The following DFFB variants were observed in gnomAD, a reference collection of about 807,000 sequenced individuals.
The protein encoded by DFFB is DNA fragmentation factor subunit beta, also known as DNA fragmentation factor 40 kDa subunit.
DFFB carries 29 observed loss-of-function variants against 32.7 expected under a neutral mutation model. That is an observed-to-expected ratio of 0.89 (90% confidence interval 0.66 to 1.21). DFFB has a LOEUF of 1.21. DFFB is among the 50% of genes most tolerant of loss of function. The pLI is 0.00. For missense variants in DFFB, 398 were observed against 440.6 expected, an observed-to-expected ratio of 0.90 and a Z score of 0.87; for synonymous variants, 170 against 177.1, an observed-to-expected ratio of 0.96 and a Z score of 0.32.
chr1:3,872,620 T>C (rs1645142281), intron 6 of DFFB, 48 bp downstream of exon 6: 11 of 1,518,312 alleles, frequency 7.2e-6, no homozygotes, highest in Non-Finnish European at 8.2e-6. Flanking sequence ...TGCAGGGCCC[T>C]GTCCCTGCCG....
At chr1:3,875,521 C>T (rs747828795) in intron 6 of DFFB, among the ~76,000 whole-genome samples, 28 of 152,154 alleles carry the variant, frequency 1.8e-4, no homozygotes, top group Non-Finnish European at 3.2e-4. Context: ...CATGCTTTCC[C>T]GGGTTCTTGC....
At chr1:3,858,890 C>T (rs4376673) in intron 2 of DFFB, 46 bp downstream of exon 2, 7 of 1,603,688 alleles carry the variant, frequency 4.4e-6, no homozygotes, top group East Asian at 2.2e-5. Flanking sequence ...TGGCACTCTC[C>T]GAGGTCCTGG....
At position 3,883,915 on chromosome 1, in the gene DFFB, GGTTT is replaced by G. The variant is rs2124775819; in HGVS notation, c.*175_*178del. 4 of 604,880 alleles carry G rather than the reference GGTTT, an allele frequency of 6.6e-6. No homozygotes were observed. The highest frequency in any genetic ancestry group is 1.2e-5 in the Non-Finnish European group (4 of 345,394). The allele number at this position is 604,880 out of a possible 1,614,324, so 37.5% of individuals were successfully genotyped here. Reference sequence around the variant, plus strand: ...TTTCATTACATTTCTGAATTGTTGGGGTTTTTTTTGTTGTTTTGTTTTGTTTTGT... The same window carrying G: ...TTTCATTACATTTCTGAATTGTTGGGTTTTTGTTGTTTTGTTTTGTTTTGT... On this transcript the variant is annotated 3_prime_UTR_variant, in exon 7 of 7. Transcript: ENST00000378209.
intron 6 of DFFB, among the ~76,000 whole-genome samples, chr1:3,880,469 C>T (rs770598043): frequency 6.6e-6 from 1 of 152,242 alleles, no homozygotes; most frequent in Non-Finnish European, 1.5e-5. Context: ...AGGGACCCCT[C>T]CCTGCTGTAG....
Position 3,865,908 on chromosome 1 carries a change from C to T in DFFB, c.338C>T (p.Pro113Leu), listed in dbSNP as rs1644969872. The change falls in exon 3 of 7, where the codon CCA becomes CTA. Residue 113 changes from proline (P) to leucine (L), a missense_variant. Coordinates refer to ENST00000378209, the MANE Select transcript of DFFB (RefSeq NM_004402.4). This position sits in a 1 kb window ranked among gnomAD's most constrained non-coding sequence, Gnocchi z 4.7. ...AQQLLCDEQAPQRQRLLADLL... is the reference protein window; with the variant it reads ...AQQLLCDEQALQRQRLLADLL... ...CAGCTGCTGTGTGATGAGCAGGCCC[C>T]ACAGAGGCAGAGGCTGCTGGCTGAC... 6.2e-7 allele frequency: 1 copy of T among 1,613,034 alleles called. No homozygotes were observed. Among genetic ancestry groups the T allele is most frequent in the Non-Finnish European group, 8.5e-7 (1 of 1,179,174 alleles).
At position 3,858,750 on chromosome 1, in the gene DFFB, C is replaced by A; in HGVS notation, c.147C>A (p.Tyr49Ter). 1.2e-6 allele frequency: 2 copies of A among 1,614,158 alleles called. No individual in the cohort carries two copies. Among genetic ancestry groups the A allele is most frequent in the African/African-American group, 1.3e-5 (1 of 75,066 alleles). The change falls in exon 2 of 7, where the codon TAC (tyrosine) becomes TAA (stop). Residue 49 changes from tyrosine to a stop codon, truncating the protein, a stop_gained. Transcript: ENST00000378209. LOFTEE classifies it high-confidence loss of function. Reference protein sequence around the residue: ...LPERGSRLCLYEDGTELTEDY... With the variant: ...LPERGSRLCL ...AGCGCGGTTCCCGGCTGTGCCTGTA[C>A]GAGGATGGCACGGAGCTGACGGAAG... is the stretch of plus-strand genomic sequence containing the variant.
intron 2 of DFFB, among the ~76,000 whole-genome samples, chr1:3,860,955 G>C (rs1395571489): frequency 1.3e-5 from 2 of 152,132 alleles, no homozygotes; most frequent in Non-Finnish European, 2.9e-5. Flanking sequence ...AGGAGTTCAA[G>C]ACCAGCCTGG....
chr1:3,881,174 C>T (rs188154635), intron 6 of DFFB, among the ~76,000 whole-genome samples: 5 of 152,334 alleles, frequency 3.3e-5, no homozygotes, highest in Admixed American at 6.5e-5. Flanking sequence ...TGTCCTGGCT[C>T]CTTCAGGATG....
intron 6 of DFFB, among the ~76,000 whole-genome samples, chr1:3,874,709 G>GT (rs1645188295): frequency 6.8e-6 from 1 of 146,860 alleles, no homozygotes; most frequent in African/African-American, 2.5e-5. Context: ...AGTTTAACAT[G>GT]CACATATGTG....
chr1:3,870,415 TG>T (rs141048570), intron 5 of DFFB, among the ~76,000 whole-genome samples: 13,842 of 152,258 alleles, frequency 0.091, 785 homozygotes, highest in East Asian at 0.18. Flanking sequence ...CTTCTTCCCA[TG>T]GGACAGGGCT....
At chr1:3,874,312 T>C (rs1336095490) in intron 6 of DFFB, among the ~76,000 whole-genome samples, 28 of 115,442 alleles carry the variant, frequency 2.4e-4, no homozygotes, top group African/African-American at 9.0e-4. Context: ...GCGTGTGGGT[T>C]TAACATGCAC....
chr1:3,867,856 G>T, intron 3 of DFFB, 118 bp from the exon 4 acceptor site: 1 of 860,838 alleles, frequency 1.2e-6, no homozygotes, highest in Non-Finnish European at 2.0e-6. Flanking sequence ...CTGTCAAAAA[G>T]ATGAAGCAGT....
intron 5 of DFFB, among the ~76,000 whole-genome samples, chr1:3,872,011 C>T (rs1366604890): frequency 2.6e-5 from 4 of 152,210 alleles, no homozygotes; most frequent in African/African-American, 9.6e-5. Context: ...CCCCAGGATC[C>T]ATCACCTCCC....
chr1:3,857,530 G>C lies in DFFB; in HGVS notation c.-74G>C. 1 of 1,142,988 alleles carries C rather than the reference G, an allele frequency of 8.7e-7. No individual in the cohort carries two copies. 70.8% of individuals were successfully genotyped at this position (1,142,988 alleles called of 1,614,324 possible). A position where few individuals can be genotyped will look rare whatever the true frequency, so the allele number is the denominator to read the frequency against. On this transcript the variant is annotated 5_prime_UTR_variant, in exon 1 of 7. Coordinates refer to ENST00000378209, the MANE Select transcript of DFFB (RefSeq NM_004402.4). ...CCAGGTGCAGACCCCTGCGGCCAGGGCGAGGACGGATCTGAGCAGCTGGGC... is the reference window on the plus strand; with the variant it reads ...CCAGGTGCAGACCCCTGCGGCCAGGCCGAGGACGGATCTGAGCAGCTGGGC...
At chr1:3,876,923 G>A (rs957592468) in intron 6 of DFFB, among the ~76,000 whole-genome samples, 1 of 152,228 alleles carries the variant, frequency 6.6e-6, no homozygotes, top group Non-Finnish European at 1.5e-5. Flanking sequence ...AGGGGCCCCT[G>A]GGCGGAAGGT....
intron 2 of DFFB, among the ~76,000 whole-genome samples, chr1:3,863,992 A>G (rs10909807): frequency 0.91 from 138,854 of 152,138 alleles, 64,063 homozygotes; most frequent in Middle Eastern, 0.97. Context: ...TTTTGAGATG[A>G]AGTCTTGCTC....
At chr1:3,860,603 C>CCTG in intron 2 of DFFB, 1 of 248,388 alleles carries the variant, frequency 4.0e-6, no homozygotes, top group South Asian at 3.9e-5. Flanking sequence ...TACCTCTACC[C>CCTG]TTTCCCTCAA....
At chr1:3,878,892 G>A (rs989259743) in intron 6 of DFFB, among the ~76,000 whole-genome samples, 1 of 152,172 alleles carries the variant, frequency 6.6e-6, no homozygotes, top group Non-Finnish European at 1.5e-5. Flanking sequence ...CTGATGTGTA[G>A]CCCTTAGTGT....
intron 5 of DFFB, among the ~76,000 whole-genome samples, chr1:3,871,106 C>A (rs74527819): frequency 3.8e-4 from 58 of 152,140 alleles, no homozygotes; most frequent in African/African-American, 1.3e-3. Context: ...TTGCTTCTCA[C>A]GCGCTGGTCC....
Sources: allele counts gnomAD v4.1 joint callset (sites outside exome capture counted in the v4.1 genomes callset), GRCh38; gene constraint gnomAD v4.1.1; non-coding constraint Gnocchi (gnomAD v3.1); transcripts MANE v1.5; gene names NCBI Gene and HGNC (gene_info 2026-07-23, HGNC 2026-07-21).